The following PPM1E variants were observed in gnomAD, a reference collection of about 807,000 sequenced individuals.
The protein encoded by PPM1E is protein phosphatase 1E.
In PPM1E, 20 loss-of-function variants were observed where a neutral mutation model predicts 65.9. The ratio of observed to expected loss-of-function variants is 0.30; its 90% CI spans 0.21 to 0.44. The LOEUF (loss-of-function observed/expected upper bound fraction) is 0.44. Ranked by LOEUF, PPM1E falls within the 20% of genes least tolerant of loss-of-function variation. The pLI, the probability that PPM1E is intolerant of heterozygous loss-of-function variation, is 1.00. For missense variants in PPM1E, 713 were observed against 953.1 expected, an observed-to-expected ratio of 0.75 and a Z score of 3.32; for synonymous variants, 352 against 374.9, an observed-to-expected ratio of 0.94 and a Z score of 0.70.
At chr17:58,917,070 C>T (rs2051691880) in intron 1 of PPM1E, among the ~76,000 whole-genome samples, 1 of 151,862 alleles carries the variant, frequency 6.6e-6, no homozygotes, top group Non-Finnish European at 1.5e-5. Context: ...ATTATCCGGG[C>T]GTGGTTGTTC....
chr17:58,907,459 T>C (rs904638512), intron 1 of PPM1E, among the ~76,000 whole-genome samples: 1 of 152,178 alleles, frequency 6.6e-6, no homozygotes, highest in Non-Finnish European at 1.5e-5. Flanking sequence ...AGAATGTGTA[T>C]TCTGCTGTTG....
chr17:58,797,325 T>G (rs963961528), intron 1 of PPM1E, among the ~76,000 whole-genome samples: 13 of 152,182 alleles, frequency 8.5e-5, no homozygotes, highest in Admixed American at 6.6e-4. Flanking sequence ...CTATCAGAAT[T>G]AGAACATTAC....
intron 1 of PPM1E, among the ~76,000 whole-genome samples, chr17:58,939,907 G>A (rs1055903249): frequency 7.9e-5 from 12 of 152,158 alleles, no homozygotes; most frequent in African/African-American, 2.9e-4. Flanking sequence ...CATTATTCTT[G>A]GACTATATTT....
At chr17:58,937,879 CAAAAA>C (rs1226139023) in intron 1 of PPM1E, among the ~76,000 whole-genome samples, 1 of 82,978 alleles carries the variant, frequency 1.2e-5, no homozygotes, top group Non-Finnish European at 2.3e-5. Context: ...GACTCCATCT[CAAAAA>C]AAAAAAAAAA....
intron 1 of PPM1E, among the ~76,000 whole-genome samples, chr17:58,860,639 T>C (rs1456629388): frequency 6.6e-6 from 1 of 152,234 alleles, no homozygotes; most frequent in Non-Finnish European, 1.5e-5. Context: ...AGTACTAGCA[T>C]TAAAGCTAAC....
intron 1 of PPM1E, among the ~76,000 whole-genome samples, chr17:58,909,185 A>G (rs925159649): frequency 6.6e-6 from 1 of 152,190 alleles, no homozygotes; most frequent in Admixed American, 6.5e-5. Context: ...TCTACTAGGA[A>G]CAAATTTCCT....
At chr17:58,856,396 G>A (rs1200975644) in intron 1 of PPM1E, among the ~76,000 whole-genome samples, 1 of 152,024 alleles carries the variant, frequency 6.6e-6, no homozygotes, top group African/African-American at 2.4e-5. Flanking sequence ...GCGCCACCAT[G>A]CCTGGCTAAT....
At chr17:58,851,104 G>A (rs563814271) in intron 1 of PPM1E, among the ~76,000 whole-genome samples, 60 of 152,160 alleles carry the variant, frequency 3.9e-4, no homozygotes, top group African/African-American at 1.3e-3. Context: ...CGTAGTTCTC[G>A]TGCCATGGTT....
intron 1 of PPM1E, among the ~76,000 whole-genome samples, chr17:58,909,128 ATTCT>A (rs2051593272): frequency 6.6e-6 from 1 of 151,912 alleles, no homozygotes; most frequent in Non-Finnish European, 1.5e-5. Context: ...ACCTATATCA[ATTCT>A]TTCTTTCCAA....
At chr17:58,879,943 A>G (rs1022720094) in intron 1 of PPM1E, among the ~76,000 whole-genome samples, 2 of 152,206 alleles carry the variant, frequency 1.3e-5, no homozygotes, top group Non-Finnish European at 2.9e-5. Flanking sequence ...TTAAATTGAC[A>G]TAAGACATTA....
chr17:58,858,708 T>C (rs1368676335), intron 1 of PPM1E, among the ~76,000 whole-genome samples: 2 of 152,226 alleles, frequency 1.3e-5, no homozygotes, highest in Non-Finnish European at 2.9e-5. Context: ...CTTTATCTAT[T>C]ATCTATTGTT....
At chr17:58,823,420 T>A (rs557711581) in intron 1 of PPM1E, among the ~76,000 whole-genome samples, 1 of 152,294 alleles carries the variant, frequency 6.6e-6, no homozygotes, top group South Asian at 2.1e-4. Flanking sequence ...AAGATTTAGG[T>A]GAAAAGGCAA....
At chr17:58,953,746 C>CTT (rs71145508) in intron 1 of PPM1E, among the ~76,000 whole-genome samples, 6,706 of 138,128 alleles carry the variant, frequency 0.049, 536 homozygotes, top group African/African-American at 0.16. Context: ...ATATTTCCAT[C>CTT]TTTTTTTTTT....
chr17:58,940,103 T>G (rs2052043933), intron 1 of PPM1E, among the ~76,000 whole-genome samples: 1 of 152,222 alleles, frequency 6.6e-6, no homozygotes, highest in Non-Finnish European at 1.5e-5. Flanking sequence ...CTTATTACAT[T>G]TGCCGAACTT....
intron 1 of PPM1E, among the ~76,000 whole-genome samples, chr17:58,780,701 AAG>A (rs1416885629): frequency 6.6e-6 from 1 of 152,192 alleles, no homozygotes; most frequent in Non-Finnish European, 1.5e-5. Flanking sequence ...AAAACTTTAC[AAG>A]AGAATCTTTT....
intron 1 of PPM1E, among the ~76,000 whole-genome samples, chr17:58,815,631 G>A (rs974586753): frequency 1.3e-5 from 2 of 152,084 alleles, no homozygotes; most frequent in African/African-American, 4.8e-5. Flanking sequence ...GCTTTGAAAA[G>A]TTTTCATATC....
At chr17:58,927,578 T>TC (rs954008265) in intron 1 of PPM1E, among the ~76,000 whole-genome samples, 5 of 152,170 alleles carry the variant, frequency 3.3e-5, no homozygotes, top group Non-Finnish European at 5.9e-5. Context: ...GATATATCAA[T>TC]CAGGGGCCTT....
chr17:58,954,246 A>G (rs2052282734), intron 1 of PPM1E, among the ~76,000 whole-genome samples: 1 of 152,102 alleles, frequency 6.6e-6, no homozygotes, highest in Admixed American at 6.6e-5. Flanking sequence ...AACAAGTTCT[A>G]TATTTTTTTC....
At chr17:58,845,761 ACCT>A (rs1236319232) in intron 1 of PPM1E, among the ~76,000 whole-genome samples, 1 of 152,084 alleles carries the variant, frequency 6.6e-6, no homozygotes, top group Non-Finnish European at 1.5e-5. Context: ...GCTCACTGCA[ACCT>A]CCTCCTCCCA....
Sources: allele counts gnomAD v4.1 joint callset (sites outside exome capture counted in the v4.1 genomes callset), GRCh38; gene constraint gnomAD v4.1.1; transcripts MANE v1.5; gene names NCBI Gene and HGNC (gene_info 2026-07-23, HGNC 2026-07-21).